The following ABCC9 variants were observed in gnomAD, a reference collection of about 807,000 sequenced individuals.
ABCC9 encodes ATP-binding cassette sub-family C member 9.
Under a neutral mutation model 188.3 loss-of-function variants are expected in ABCC9, and 95 were observed. That is an observed-to-expected ratio of 0.50 (90% CI 0.43 to 0.60). The LOEUF (loss-of-function observed/expected upper bound fraction) is 0.60, where lower values mean the gene tolerates loss of function less well. Among genes scored for constraint, ABCC9 ranks in the 20% least tolerant of loss-of-function variants. The probability of loss-of-function intolerance (pLI) is 0.00; values close to 1 mark genes in which losing one functional copy is unlikely to be tolerated. For missense variants in ABCC9, 1,102 were observed against 1,876.3 expected (o/e 0.59, Z 7.62); for synonymous variants, 659 against 652.7 (o/e 1.01, Z -0.15).
chr12:21,898,071 G>A (rs745877704), intron 12 of ABCC9, among the ~76,000 whole-genome samples: 1 of 152,180 alleles, frequency 6.6e-6, no homozygotes, highest in Non-Finnish European at 1.5e-5. Flanking sequence ...CGAGGCGGAA[G>A]CACTTGAGCC....
chr12:21,832,359 T>A (rs1283818), intron 30 of ABCC9, among the ~76,000 whole-genome samples: 143,412 of 152,236 alleles, frequency 0.94, 67,667 homozygotes, highest in East Asian at 1. Context: ...GGGACTCCAG[T>A]TAGCTTGAAA....
intron 8 of ABCC9, 105 bp from the exon 9 acceptor site, chr12:21,911,083 T>A: frequency 9.0e-7 from 1 of 1,114,564 alleles, no homozygotes; most frequent in Non-Finnish European, 1.3e-6. Flanking sequence ...ATACAAAAAT[T>A]CAATGTATTT....
rs548462742 is a variant in ABCC9 at position 21,936,464 on chromosome 12, C to T, written c.142+69G>A. 2.9e-6 allele frequency: 4 copies of T among 1,367,292 alleles called. No homozygotes were observed. In the African/African-American group the frequency reaches 4.4e-5, roughly 15 times the overall value. 84.7% of individuals were successfully genotyped at this position (1,367,292 alleles called of 1,614,324 possible). A position where few individuals can be genotyped will look rare whatever the true frequency, so the allele number is the denominator to read the frequency against. On this transcript the variant is annotated intron_variant, in intron 3 of 39. Coordinates refer to ENST00000261200, the MANE Select transcript of ABCC9 (RefSeq NM_020297.4). ...GTTACAGAAATTAAGTCAACATTAT[C>T]CCAAATCTCAGCCATTAGCGAGATA... is the stretch of plus-strand genomic sequence containing the variant.
At chr12:21,913,119 AG>A in intron 7 of ABCC9, 53 bp from the exon 8 acceptor site, 8 of 1,474,298 alleles carry the variant, frequency 5.4e-6, no homozygotes, top group East Asian at 2.3e-5. Context: ...AAAACTGCTT[AG>A]AGCAGTAACT....
rs145935194 is a variant in ABCC9, at chr12:21,900,446, C to A, written c.1619-5131G>T. ...ACGCAGCTCCTCACCAGCAACGGAACAAAGCAGGACGGAGAATGACTTTGA... is the reference window on the plus strand; with the variant it reads ...ACGCAGCTCCTCACCAGCAACGGAAAAAAGCAGGACGGAGAATGACTTTGA... On this transcript the variant is annotated intron_variant, in intron 12 of 39. Transcript: ENST00000261200. Among the ~76,000 whole-genome samples the A allele has an allele frequency of 1.3e-3, 193 of 152,330 alleles. 8 individuals carry two copies. The East Asian group carries it at 0.033, about 26-fold the overall frequency.
At chr12:21,884,434 T>G (rs1363529838) in intron 15 of ABCC9, among the ~76,000 whole-genome samples, 1 of 152,168 alleles carries the variant, frequency 6.6e-6, no homozygotes, top group African/African-American at 2.4e-5. Context: ...TAATACACTT[T>G]AAACTGTTAA....
intron 30 of ABCC9, among the ~76,000 whole-genome samples, chr12:21,836,169 G>T (rs539046728): frequency 6.6e-6 from 1 of 151,990 alleles, no homozygotes; most frequent in East Asian, 1.9e-4. Flanking sequence ...TCCTTGTCTC[G>T]GGCGTTAACC....
chr12:21,925,500 A>G, intron 5 of ABCC9: 1 of 702,742 alleles, frequency 1.4e-6, no homozygotes, highest in Non-Finnish European at 2.6e-6. Context: ...GCATCAGTGA[A>G]AGGCTTGAAC....
At chr12:21,859,440 C>T in intron 22 of ABCC9, 146 bp downstream of exon 22, 1 of 806,538 alleles carries the variant, frequency 1.2e-6, no homozygotes. Flanking sequence ...CTAATCTGTA[C>T]TTCAAGGATT....
chr12:21,842,164 G>A (rs566592862), intron 29 of ABCC9, 150 bp downstream of exon 29: 10 of 894,124 alleles, frequency 1.1e-5, no homozygotes, highest in East Asian at 2.7e-5. Flanking sequence ...TGTAGTACTC[G>A]GCACATGACA....
At chr12:21,848,366 C>A in intron 24 of ABCC9, 120 bp from the exon 25 acceptor site, 1 of 831,862 alleles carries the variant, frequency 1.2e-6, no homozygotes, top group Non-Finnish European at 2.0e-6. Flanking sequence ...GCTCTGTGCT[C>A]ACTCTGGAGA....
rs530284018 is a variant in ABCC9, at chr12:21,878,099, G to A, written c.2020-2373C>T. Among the ~76,000 whole-genome samples, 4 of 152,302 alleles carry A rather than the reference G, an allele frequency of 2.6e-5. No individual in the cohort carries two copies. In the East Asian group the frequency reaches 7.7e-4, roughly 29 times the overall value. Reference sequence around the variant, plus strand: ...GTCAGTGACTGACTAGTCTAATAGAGTAAGATAGAGGGGATGCAGTTCCAG... The same window carrying A: ...GTCAGTGACTGACTAGTCTAATAGAATAAGATAGAGGGGATGCAGTTCCAG... On this transcript the variant is annotated intron_variant, in intron 16 of 39. Transcript: ENST00000261200.
At chr12:21,817,114 A>C in intron 33 of ABCC9, 73 bp downstream of exon 33, 1 of 1,530,682 alleles carries the variant, frequency 6.5e-7, no homozygotes. Context: ...CAGAAACAAC[A>C]ATGTGCCCAA....
At chr12:21,805,738 G>A (rs1941792188) in intron 39 of ABCC9, among the ~76,000 whole-genome samples, 1 of 152,156 alleles carries the variant, frequency 6.6e-6, no homozygotes, top group Non-Finnish European at 1.5e-5. Flanking sequence ...AACAAGCAGA[G>A]GCCATGACCT....
intron 39 of ABCC9, among the ~76,000 whole-genome samples, chr12:21,804,301 A>G (rs968362004): frequency 2.1e-4 from 32 of 152,234 alleles, no homozygotes; most frequent in African/African-American, 7.5e-4. Context: ...TGCTCAAGTA[A>G]TCTTCCAGAT....
chr12:21,854,941 C>T (rs1945147548), intron 22 of ABCC9, among the ~76,000 whole-genome samples: 1 of 152,014 alleles, frequency 6.6e-6, no homozygotes, highest in South Asian at 2.1e-4. Flanking sequence ...ACCAACAATG[C>T]AGCAAGGATA....
At chr12:21,931,231 G>T (rs570484266) in intron 4 of ABCC9, among the ~76,000 whole-genome samples, 1 of 152,112 alleles carries the variant, frequency 6.6e-6, no homozygotes, top group South Asian at 2.1e-4. Context: ...GTTCTCACGA[G>T]ATCTGATGGT....
intron 39 of ABCC9, among the ~76,000 whole-genome samples, 195 bp from the exon 40 acceptor site, chr12:21,801,376 A>T (rs544613142): frequency 6.6e-6 from 1 of 152,324 alleles, no homozygotes; most frequent in African/African-American, 2.4e-5. Context: ...AGCAATGGCC[A>T]ATATGGCTGG....
At chr12:21,848,045 C>T in intron 25 of ABCC9, 105 bp downstream of exon 25, 1 of 948,726 alleles carries the variant, frequency 1.1e-6, no homozygotes, top group Non-Finnish European at 1.7e-6. Flanking sequence ...AATTTTTTCC[C>T]CTGGCAAAGT....
Sources: allele counts gnomAD v4.1 joint callset (sites outside exome capture counted in the v4.1 genomes callset), GRCh38; gene constraint gnomAD v4.1.1; transcripts MANE v1.5; gene names NCBI Gene and HGNC (gene_info 2026-07-23, HGNC 2026-07-21).